RGS6: variants seen among roughly 807,000 people sequenced by gnomAD.
The protein encoded by RGS6 is regulator of G-protein signaling 6.
RGS6 carries 30 observed loss-of-function variants against 78.5 expected under a neutral mutation model. That is an observed-to-expected ratio of 0.38 (90% CI 0.29 to 0.52). RGS6 has a LOEUF of 0.52. RGS6 is among the 20% of genes least tolerant of loss of function. The pLI is 0.85. For synonymous variants in RGS6, 206 were observed against 206.0 expected, an observed-to-expected ratio of 1.00 and a Z score of 0.00; for missense variants, 495 against 609.7, an observed-to-expected ratio of 0.81 and a Z score of 1.98.
intron 3 of RGS6, among the ~76,000 whole-genome samples, chr14:72,393,655 C>G (rs752839016): frequency 7.2e-5 from 11 of 152,192 alleles, no homozygotes; most frequent in Non-Finnish European, 1.6e-4. Context: ...ACTGCATACT[C>G]TACTGTGTTC....
At chr14:71,918,556 A>G in the RGS6 span, among the ~76,000 whole-genome samples, 1 of 152,226 alleles carries the variant, frequency 6.6e-6, no homozygotes, top group Non-Finnish European at 1.5e-5. Flanking sequence ...TCATTAATTG[A>G]GAGGAAAGAG....
At chr14:72,473,692 C>T (rs2096155158) in intron 9 of RGS6, among the ~76,000 whole-genome samples, 1 of 152,220 alleles carries the variant, frequency 6.6e-6, no homozygotes, top group African/African-American at 2.4e-5. Context: ...TGAAGCATCA[C>T]TCCCGTGGGA....
chr14:72,189,301 A>G (rs2153713696), intron 2 of RGS6, among the ~76,000 whole-genome samples: 1 of 152,328 alleles, frequency 6.6e-6, no homozygotes, highest in East Asian at 1.9e-4. Flanking sequence ...AACTTCTAGT[A>G]TGTTAGGCCT....
chr14:72,574,235 T>C, the RGS6 span, among the ~76,000 whole-genome samples: 2 of 152,126 alleles, frequency 1.3e-5, no homozygotes, highest in South Asian at 4.2e-4. Context: ...AAACAAACTT[T>C]CTCTTTGGCT....
chr14:72,096,376 ATTATCT>A (rs1469403217), intron 2 of RGS6, among the ~76,000 whole-genome samples: 1 of 152,230 alleles, frequency 6.6e-6, no homozygotes, highest in African/African-American at 2.4e-5. Flanking sequence ...TTATGCCTTG[ATTATCT>A]TTAGGTGATC....
At chr14:71,885,592 T>C in the RGS6 span, among the ~76,000 whole-genome samples, 94 of 152,292 alleles carry the variant, frequency 6.2e-4, no homozygotes, top group Non-Finnish European at 1.2e-3. Flanking sequence ...ACTTGGGAGC[T>C]CAGGAATCAC....
At chr14:72,045,978 G>A (rs564418494) in intron 2 of RGS6, among the ~76,000 whole-genome samples, 2 of 152,270 alleles carry the variant, frequency 1.3e-5, no homozygotes, top group Admixed American at 6.5e-5. Flanking sequence ...TAGGCTGCGT[G>A]TGGAGGTATT....
intron 1 of RGS6, among the ~76,000 whole-genome samples, chr14:71,952,470 A>G (rs2092415203): frequency 6.6e-6 from 1 of 151,590 alleles, no homozygotes; most frequent in South Asian, 2.1e-4. Flanking sequence ...TACCATATCT[A>G]CCTTTCTAGA....
intron 2 of RGS6, among the ~76,000 whole-genome samples, chr14:72,331,203 G>A (rs1019691128): frequency 6.0e-5 from 9 of 149,514 alleles, no homozygotes; most frequent in Non-Finnish European, 1.0e-4. Flanking sequence ...GCCCTGGCCT[G>A]CTGTCGTAAA....
intron 2 of RGS6, among the ~76,000 whole-genome samples, chr14:72,015,119 G>A (rs1260887068): frequency 6.6e-6 from 1 of 152,212 alleles, no homozygotes; most frequent in Non-Finnish European, 1.5e-5. Flanking sequence ...TGTACAGGAA[G>A]CATGGTGCCA....
At chr14:71,927,439 G>C (rs1442205082), upstream of RGS6, among the ~76,000 whole-genome samples, 3 of 151,106 alleles carry the variant, frequency 2.0e-5, no homozygotes, top group Non-Finnish European at 4.4e-5. Flanking sequence ...ATTGCAAAGA[G>C]AAAAAAAAAT....
intron 2 of RGS6, among the ~76,000 whole-genome samples, chr14:72,173,481 C>A: frequency 6.6e-6 from 1 of 152,180 alleles, no homozygotes; most frequent in African/African-American, 2.4e-5. Context: ...TCCATGCTCA[C>A]GGCAGGATCA....
At chr14:72,364,091 A>G (rs1268431738) in intron 3 of RGS6, among the ~76,000 whole-genome samples, 1 of 149,978 alleles carries the variant, frequency 6.7e-6, no homozygotes, top group Non-Finnish European at 1.5e-5. Context: ...AGACTTTTCT[A>G]TCTAGTTAGA....
intron 2 of RGS6, among the ~76,000 whole-genome samples, chr14:72,069,513 T>C (rs759410494): frequency 6.6e-6 from 1 of 152,158 alleles, no homozygotes; most frequent in Non-Finnish European, 1.5e-5. Context: ...ATTCTATTTT[T>C]AAAAATTATT....
intron 15 of RGS6, among the ~76,000 whole-genome samples, chr14:72,520,187 C>T (rs1355536842): frequency 6.6e-6 from 1 of 152,142 alleles, no homozygotes; most frequent in Non-Finnish European, 1.5e-5. Flanking sequence ...TTTAATATTG[C>T]CACAATATCC....
intron 2 of RGS6, among the ~76,000 whole-genome samples, chr14:72,350,932 TATG>T (rs1025711724): frequency 2.0e-5 from 3 of 152,118 alleles, no homozygotes; most frequent in African/African-American, 4.8e-5. Flanking sequence ...TTTAGCTATT[TATG>T]ATGATGATGA....
At chr14:72,273,241 C>G (rs1439151841) in intron 2 of RGS6, among the ~76,000 whole-genome samples, 2 of 152,118 alleles carry the variant, frequency 1.3e-5, no homozygotes, top group African/African-American at 2.4e-5. Flanking sequence ...GCTTTCAAAG[C>G]TTGCATTATG....
chr14:72,628,874 AAG>A, the RGS6 span, among the ~76,000 whole-genome samples: 1 of 152,244 alleles, frequency 6.6e-6, no homozygotes, highest in African/African-American at 2.4e-5. Context: ...GGGAGGAAGA[AAG>A]AGAATAAGAT....
the RGS6 span, among the ~76,000 whole-genome samples, chr14:71,873,236 A>G: frequency 6.6e-6 from 1 of 152,120 alleles, no homozygotes; most frequent in Non-Finnish European, 1.5e-5. Context: ...CACAATGGTT[A>G]AACTAGTTCA....
Sources: gnomAD v4.1 joint callset for allele counts (sites outside exome capture counted in the v4.1 genomes callset) on GRCh38, gnomAD v4.1.1 for gene constraint, MANE v1.5 for transcripts, NCBI Gene and HGNC (gene_info 2026-07-23, HGNC 2026-07-21) for gene names.